CDC42EP2: variants seen among roughly 807,000 people sequenced by gnomAD.
CDC42EP2 encodes the protein CDC42 effector protein (Rho GTPase binding) 2.
Under a neutral mutation model 7.3 loss-of-function variants are expected in CDC42EP2, and 5 were observed. The ratio of observed to expected loss-of-function variants is 0.68; its 90% CI spans 0.36 to 1.44. CDC42EP2 has a LOEUF of 1.44. CDC42EP2 is among the 40% of genes most tolerant of loss of function. CDC42EP2 has a pLI of 0.04. For synonymous variants in CDC42EP2, 113 were observed against 123.6 expected (o/e 0.91, Z 0.57); for missense variants, 251 against 282.6 (o/e 0.89, Z 0.80).
Position 65,321,066 on chromosome 11 carries a change from C to A in CDC42EP2, c.168C>A (p.Ser56=), listed in dbSNP as rs1334258763. 1 of 1,614,000 alleles carries A rather than the reference C, an allele frequency of 6.2e-7. No homozygotes were observed. The highest frequency in any genetic ancestry group is 8.5e-7 in the Non-Finnish European group (1 of 1,180,012). ...GCAGTGACATGTTTGGCGACATCTC[C>A]TTCCTGCAGGGCAAGTTCCACCTCC... The part of the protein sequence containing the change: ...GGGSDMFGDI[S]FLQGKFHLLP... The change falls in exon 2 of 2, where the codon TCC becomes TCA. Residue 56 remains serine (S), a synonymous_variant. Coordinates refer to ENST00000279249, the MANE Select transcript of CDC42EP2 (RefSeq NM_006779.4). This position sits in a 1 kb window ranked among gnomAD's most constrained non-coding sequence, Gnocchi z 4.4.
chr11:65,315,030 C>G lies in CDC42EP2; in HGVS notation c.-356+76C>G, dbSNP rs1306015235. On this transcript the variant is annotated intron_variant, in intron 1 of 1. Coordinates refer to ENST00000279249, the MANE Select transcript of CDC42EP2 (RefSeq NM_006779.4). The surrounding 1 kb of genome is among the most constrained non-coding windows in gnomAD (Gnocchi z 4.1). ...CCATCTCTGTGGCGCCCCGCCCCAG[C>G]TCGCGCCCTGGCTCTGCCTCTCACC... The G allele has an allele frequency of 6.6e-6, 1 of 152,216 alleles. No homozygotes were observed. Among genetic ancestry groups the G allele is most frequent in the Non-Finnish European group, 1.5e-5 (1 of 68,102 alleles). The allele number at this position is 152,216 out of a possible 1,614,324, so 9.4% of individuals were successfully genotyped here.
rs1424800564 is a variant in CDC42EP2, at chr11:65,315,888, T to C, written c.-356+934T>C. ...CCTGGGGTCAGGAGCCCTTCGTTTT[T>C]GCTATTGTTCAAAGCACTGGCCCCG... On this transcript the variant is annotated intron_variant, in intron 1 of 1. Transcript: ENST00000279249. This position sits in a 1 kb window ranked among gnomAD's most constrained non-coding sequence, Gnocchi z 4.1. Among the ~76,000 whole-genome samples the C allele has an allele frequency of 6.6e-6, 1 of 152,206 alleles. No individual in the cohort carries two copies. Among genetic ancestry groups the C allele is most frequent in the Non-Finnish European group, 1.5e-5 (1 of 68,024 alleles).
chr11:65,320,761 C>T lies in CDC42EP2; in HGVS notation c.-138C>T, dbSNP rs967810782. The T allele has an allele frequency of 1.2e-6, 1 of 830,620 alleles. No individual in the cohort carries two copies. Among genetic ancestry groups the T allele is most frequent in the Non-Finnish European group, 1.9e-6 (1 of 539,404 alleles). 51.5% of individuals were successfully genotyped at this position (830,620 alleles called of 1,614,324 possible). ...TTTGTTCGTGCCCCCACACTGTAGC[C>T]AGAAGCCCGTTGGCGAGCTCTGGCA... On this transcript the variant is annotated 5_prime_UTR_variant, in exon 2 of 2. Transcript: ENST00000279249.
chr11:65,318,609 G>A (rs1253080404), intron 1 of CDC42EP2, among the ~76,000 whole-genome samples: 1 of 151,976 alleles, frequency 6.6e-6, no homozygotes, highest in African/African-American at 2.4e-5. Context: ...ATTTTTAGTA[G>A]AGACGGGGTT....
At chr11:65,318,959 C>T (rs750698767) in intron 1 of CDC42EP2, among the ~76,000 whole-genome samples, 12 of 126,768 alleles carry the variant, frequency 9.5e-5, no homozygotes, top group Non-Finnish European at 1.9e-4. Context: ...ACACAACATG[C>T]ATATGTGTCA....
At chr11:65,318,762 G>A (rs537843689) in intron 1 of CDC42EP2, among the ~76,000 whole-genome samples, 7 of 150,872 alleles carry the variant, frequency 4.6e-5, no homozygotes, top group South Asian at 4.2e-4. Flanking sequence ...TAGAGATGGG[G>A]TCTCCACATG....
At chr11:65,316,233 C>T (rs530241718) in intron 1 of CDC42EP2, among the ~76,000 whole-genome samples, 2 of 152,116 alleles carry the variant, frequency 1.3e-5, no homozygotes, top group African/African-American at 4.8e-5. Context: ...ATAGGAGGAT[C>T]CCTGCCTGCC....
rs4149817 is a variant in CDC42EP2, at chr11:65,315,744, G to A, written c.-356+790G>A. On this transcript the variant is annotated intron_variant, in intron 1 of 1. Transcript: ENST00000279249. The surrounding 1 kb of genome is among the most constrained non-coding windows in gnomAD (Gnocchi z 4.1). Reference sequence around the variant, plus strand: ...ACGAGGCGATCAAGGGAGCACGCGCGCCACCTGGCGGCCGCGGAGCCGGGC... The same window carrying A: ...ACGAGGCGATCAAGGGAGCACGCGCACCACCTGGCGGCCGCGGAGCCGGGC... 6.6e-6 allele frequency among the ~76,000 whole-genome samples: 1 copy of A among 152,244 alleles called. No individual in the cohort carries two copies. Among genetic ancestry groups the A allele is most frequent in the Admixed American group, 6.5e-5 (1 of 15,286 alleles).
In CDC42EP2 at chr11:65,318,868, C is replaced by CTTTTTTTTTTTT. The variant is rs11333656; in HGVS notation, c.-355-1648_-355-1637dup. On this transcript the variant is annotated intron_variant, in intron 1 of 1. Coordinates refer to ENST00000279249, the MANE Select transcript of CDC42EP2 (RefSeq NM_006779.4). ...TACAGAAGTGAGCCACTGCACCTGACTTTTTTTTTTTTTTTTTTTTTTTTT... is the reference window on the plus strand; with the variant it reads ...TACAGAAGTGAGCCACTGCACCTGACTTTTTTTTTTTTTTTTTTTTTTTTTTTTTTTTTTTTT... Among the ~76,000 whole-genome samples the CTTTTTTTTTTTT allele has an allele frequency of 5.9e-4, 15 of 25,580 alleles. 6 individuals are homozygous for CTTTTTTTTTTTT. Among genetic ancestry groups the CTTTTTTTTTTTT allele is most frequent in the Admixed American group, 1.3e-3 (2 of 1,558 alleles). 16.8% of individuals were successfully genotyped at this position (25,580 alleles called of 152,430 possible).
At position 65,321,217 on chromosome 11, in the gene CDC42EP2, G is replaced by A. The variant is rs752537359; in HGVS notation, c.319G>A (p.Ala107Thr). Residue 107 changes from alanine to threonine, a missense_variant, in exon 2 of 2, where the codon GCC becomes ACC. Coordinates refer to ENST00000279249, the MANE Select transcript of CDC42EP2 (RefSeq NM_006779.4). The surrounding 1 kb of genome is among the most constrained non-coding windows in gnomAD (Gnocchi z 4.4). ...CGGCCCATCCCCTCTGCTCAAGAAC[G>A]CCATCTCCCTCCCGGTTATCGGTGG... ...PDGPSPLLKN[A>T]ISLPVIGGPQ... is the part of the protein sequence containing the mutation. The A allele has an allele frequency of 6.2e-6, 10 of 1,613,902 alleles. No homozygotes were observed. Among genetic ancestry groups the A allele is most frequent in the Middle Eastern group, 3.3e-4 (2 of 6,062 alleles).
Position 65,315,550 on chromosome 11 carries a change from C to G in CDC42EP2, c.-356+596C>G, listed in dbSNP as rs888180484. Among the ~76,000 whole-genome samples, 1 of 152,274 alleles carries G rather than the reference C, an allele frequency of 6.6e-6. No homozygotes were observed. The highest frequency in any genetic ancestry group is 1.5e-5 in the Non-Finnish European group (1 of 68,046). On this transcript the variant is annotated intron_variant, in intron 1 of 1. Transcript: ENST00000279249. This position sits in a 1 kb window ranked among gnomAD's most constrained non-coding sequence, Gnocchi z 4.1. ...GAGCTTGGAGACTAGGGCAGGGTCCCCAATCGCCCCCTTTTTCCCCGATTG... is the reference window on the plus strand; with the variant it reads ...GAGCTTGGAGACTAGGGCAGGGTCCGCAATCGCCCCCTTTTTCCCCGATTG...
At chr11:65,318,085 T>A (rs1286940058) in intron 1 of CDC42EP2, among the ~76,000 whole-genome samples, 1 of 150,456 alleles carries the variant, frequency 6.6e-6, no homozygotes, top group Non-Finnish European at 1.5e-5. Flanking sequence ...GTGTTTTAAA[T>A]TTTTTTTTTA....
In CDC42EP2 at chr11:65,321,156, C is replaced by T. The variant is rs149991847; in HGVS notation, c.258C>T (p.Thr86=). ...CCTTCGACCTCCCCTTCCAGTTCAC[C>T]CGCACCGCCACCGTGTGTGGGCGGG... ...DGTFDLPFQF[T]RTATVCGREL... Residue 86 remains threonine (T), a synonymous_variant, in exon 2 of 2, where the codon ACC becomes ACT. Transcript: ENST00000279249. The surrounding 1 kb of genome is among the most constrained non-coding windows in gnomAD (Gnocchi z 4.4). 1.1e-5 allele frequency: 17 copies of T among 1,614,128 alleles called. No individual in the cohort carries two copies. The highest frequency in any genetic ancestry group is 1.4e-5 in the Non-Finnish European group (16 of 1,179,998).
At position 65,321,583 on chromosome 11, in the gene CDC42EP2, G is replaced by A; in HGVS notation, c.*52G>A. On this transcript the variant is annotated 3_prime_UTR_variant, in exon 2 of 2. Coordinates refer to ENST00000279249, the MANE Select transcript of CDC42EP2 (RefSeq NM_006779.4). This position sits in a 1 kb window ranked among gnomAD's most constrained non-coding sequence, Gnocchi z 4.4. The stretch of plus-strand genomic sequence containing the variant: ...CCAGGTGGGGCCCAGCCAGGAGGTG[G>A]GGTGTGGACCCGGCCCTGGCGGCGG... 6.5e-7 allele frequency: 1 copy of A among 1,530,312 alleles called. No homozygotes were observed. Among genetic ancestry groups the A allele is most frequent in the Non-Finnish European group, 8.8e-7 (1 of 1,131,028 alleles). 94.8% of individuals were successfully genotyped at this position (1,530,312 alleles called of 1,614,324 possible). A position where few individuals can be genotyped will look rare whatever the true frequency, so the allele number is the denominator to read the frequency against.
rs1349758072 is a variant in CDC42EP2, at chr11:65,321,952, G to C, written c.*421G>C. The C allele has an allele frequency of 5.2e-6, 1 of 191,036 alleles. No homozygotes were observed. The highest frequency in any genetic ancestry group is 1.2e-5 in the Non-Finnish European group (1 of 81,804). The allele number at this position is 191,036 out of a possible 1,614,324, so 11.8% of individuals were successfully genotyped here. A position where few individuals can be genotyped will look rare whatever the true frequency, so the allele number is the denominator to read the frequency against. On this transcript the variant is annotated 3_prime_UTR_variant, in exon 2 of 2. Transcript: ENST00000279249. The surrounding 1 kb of genome is among the most constrained non-coding windows in gnomAD (Gnocchi z 4.4). Reference sequence around the variant, plus strand: ...GCCACAGGGCTCAGCCACTGAGCAGGCTGTTCCGGGCCTTTGGCTTTGCAT... The same window carrying C: ...GCCACAGGGCTCAGCCACTGAGCAGCCTGTTCCGGGCCTTTGGCTTTGCAT...
rs1023097543 is a variant in CDC42EP2 at position 65,315,212 on chromosome 11, C to T, written c.-356+258C>T. ...TGCCCTCCATTTTGTGTCCGGGCCCCCGCCCCCCTCCCGAGACCCAGGGGT... is the reference window on the plus strand; with the variant it reads ...TGCCCTCCATTTTGTGTCCGGGCCCTCGCCCCCCTCCCGAGACCCAGGGGT... On this transcript the variant is annotated intron_variant, in intron 1 of 1. Transcript: ENST00000279249. The surrounding 1 kb of genome is among the most constrained non-coding windows in gnomAD (Gnocchi z 4.1). Among the ~76,000 whole-genome samples, 2 of 152,234 alleles carry T rather than the reference C, an allele frequency of 1.3e-5. No homozygotes were observed. The highest frequency in any genetic ancestry group is 3.9e-4 in the East Asian group (2 of 5,182).
intron 1 of CDC42EP2, among the ~76,000 whole-genome samples, chr11:65,319,899 G>T (rs567023699): frequency 6.6e-6 from 1 of 152,318 alleles, no homozygotes; most frequent in Non-Finnish European, 1.5e-5. Context: ...GAGGTGGGGG[G>T]TATGGTATGA....
At chr11:65,316,483 C>T (rs1949948299) in intron 1 of CDC42EP2, among the ~76,000 whole-genome samples, 1 of 152,190 alleles carries the variant, frequency 6.6e-6, no homozygotes, top group African/African-American at 2.4e-5. Context: ...CCCAGCCTAG[C>T]TGTGAGCCCC....
intron 1 of CDC42EP2, among the ~76,000 whole-genome samples, chr11:65,318,285 C>A (rs574917382): frequency 6.6e-6 from 1 of 150,564 alleles, no homozygotes; most frequent in African/African-American, 2.4e-5. Flanking sequence ...GACGGAGACT[C>A]TCTCTGTTGC....
Sources: allele counts gnomAD v4.1 joint callset (sites outside exome capture counted in the v4.1 genomes callset), GRCh38; gene constraint gnomAD v4.1.1; non-coding constraint Gnocchi (gnomAD v3.1); transcripts MANE v1.5; gene names NCBI Gene and HGNC (gene_info 2026-07-23, HGNC 2026-07-21).